Variants in OTOP2 observed in about 807,000 individuals in gnomAD.
The protein encoded by OTOP2 is otopetrin 2, also known as proton channel OTOP2.
OTOP2 carries 41 observed loss-of-function variants against 47.4 expected under a neutral mutation model. That is an observed-to-expected ratio of 0.87 (90% CI 0.67 to 1.12). The LOEUF is 1.12. Ranked by LOEUF, OTOP2 falls within the 50% of genes most tolerant of loss-of-function variation. The probability of loss-of-function intolerance (pLI) is 0.00; values close to 1 mark genes in which losing one functional copy is unlikely to be tolerated. For synonymous variants in OTOP2, 328 were observed against 319.6 expected (o/e 1.03, Z -0.28); for missense variants, 721 against 752.2 (o/e 0.96, Z 0.49).
At chr17:74,926,154 T>G (rs1488192892) in intron 3 of OTOP2, among the ~76,000 whole-genome samples, 1 of 152,226 alleles carries the variant, frequency 6.6e-6, no homozygotes, top group Non-Finnish European at 1.5e-5. Flanking sequence ...AACAATACTT[T>G]GAAAGATCTT....
At chr17:74,929,293 G>T (rs1210775545) in intron 5 of OTOP2, among the ~76,000 whole-genome samples, 3 of 152,144 alleles carry the variant, frequency 2.0e-5, no homozygotes, top group Non-Finnish European at 2.9e-5. Context: ...GAGCTGTGAG[G>T]AAGCCTGAAC....
chr17:74,929,643 C>G (rs971295222), intron 5 of OTOP2, among the ~76,000 whole-genome samples: 1 of 152,024 alleles, frequency 6.6e-6, no homozygotes, highest in African/African-American at 2.4e-5. Context: ...CCAGGCTGGC[C>G]TCAAACTCCT....
chr17:74,931,248 C>T lies in OTOP2; in HGVS notation c.1518+95C>T, dbSNP rs1422998633. ...AGCCCTTAGCCTTCTCTGTCTTGCC[C>T]CCAGCCCGCCTGAGAATCTTACAGC... On this transcript the variant is annotated intron_variant, in intron 6 of 6. Transcript: ENST00000331427. 1.1e-5 allele frequency: 16 copies of T among 1,453,710 alleles called. No individual in the cohort carries two copies. The East Asian group carries it at 3.7e-4, about 34-fold the overall frequency. The allele number at this position is 1,453,710 out of a possible 1,614,324, so 90.1% of individuals were successfully genotyped here.
rs772784768 is a variant in OTOP2, at chr17:74,930,535, C to T, written c.900C>T (p.Phe300=). The change falls in exon 6 of 7, where the codon TTC becomes TTT. Residue 300 remains phenylalanine (F), a synonymous_variant. Transcript: ENST00000331427. This position sits in a 1 kb window ranked among gnomAD's most constrained non-coding sequence, Gnocchi z 4.0. ...GCCCGGTTCTGGGCCTGCTGCTCTT[C>T]GTGGTGGGGCTGGCTGTCTTCATCA... ...FAGPVLGLLL[F]VVGLAVFIIY... The T allele has an allele frequency of 5.0e-5, 81 of 1,612,932 alleles. No homozygotes were observed. The highest frequency in any genetic ancestry group is 6.7e-5 in the Non-Finnish European group (79 of 1,178,986).
At chr17:74,926,846 C>T (rs1194574812) in intron 3 of OTOP2, among the ~76,000 whole-genome samples, 1 of 151,802 alleles carries the variant, frequency 6.6e-6, no homozygotes, top group African/African-American at 2.4e-5. Context: ...ACCTCTGCCT[C>T]CTGGGTTCAA....
chr17:74,926,997 G>C (rs567751232), intron 3 of OTOP2, among the ~76,000 whole-genome samples: 1 of 152,078 alleles, frequency 6.6e-6, no homozygotes, highest in South Asian at 2.1e-4. Flanking sequence ...CTGGTCTCAA[G>C]CTCTTGACCT....
In OTOP2 at chr17:74,933,687, T is replaced by A; in HGVS notation, c.*142T>A. 1 of 1,046,500 alleles carries A rather than the reference T, an allele frequency of 9.6e-7. No individual in the cohort carries two copies. Among genetic ancestry groups the A allele is most frequent in the Non-Finnish European group, 1.3e-6 (1 of 758,286 alleles). 64.8% of individuals were successfully genotyped at this position (1,046,500 alleles called of 1,614,324 possible). A position where few individuals can be genotyped will look rare whatever the true frequency, so the allele number is the denominator to read the frequency against. On this transcript the variant is annotated 3_prime_UTR_variant, in exon 7 of 7. Coordinates refer to ENST00000331427, the MANE Select transcript of OTOP2 (RefSeq NM_178160.3). The surrounding 1 kb of genome is among the most constrained non-coding windows in gnomAD (Gnocchi z 4.7). ...CCCAGAGTGGAATTTTCACAAAAGT[T>A]ATTTTTCCAGGTTCAATTTTTAAAT...
rs2039073724 is a variant in OTOP2, at chr17:74,933,065, G to A, written c.1519-310G>A. ...CACTGTTTGTACCTCTTCTTCTAGA[G>A]AAACCTCTTCTCCCCTCCCCAATCC... On this transcript the variant is annotated intron_variant, in intron 6 of 6. Transcript: ENST00000331427. This position sits in a 1 kb window ranked among gnomAD's most constrained non-coding sequence, Gnocchi z 4.7. Among the ~76,000 whole-genome samples the A allele has an allele frequency of 6.6e-6, 1 of 151,994 alleles. No individual in the cohort carries two copies. The highest frequency in any genetic ancestry group is 2.1e-4 in the South Asian group (1 of 4,812).
At chr17:74,931,345 G>A (rs2039057308) in intron 6 of OTOP2, among the ~76,000 whole-genome samples, 192 bp downstream of exon 6, 1 of 152,314 alleles carries the variant, frequency 6.6e-6, no homozygotes, top group South Asian at 2.1e-4. Context: ...AGGGCACACA[G>A]AGAAAATGAA....
At position 74,928,075 on chromosome 17, in the gene OTOP2, G is replaced by T. The variant is rs1164191089; in HGVS notation, c.643+277G>T. The T allele has an allele frequency of 9.6e-6, 4 of 417,656 alleles. No homozygotes were observed. In the East Asian group the frequency reaches 1.8e-4, roughly 18 times the overall value. The allele number at this position is 417,656 out of a possible 1,614,324, so 25.9% of individuals were successfully genotyped here. A position where few individuals can be genotyped will look rare whatever the true frequency, so the allele number is the denominator to read the frequency against. On this transcript the variant is annotated intron_variant, in intron 5 of 6. Transcript: ENST00000331427. ...AAGGGACCCAGGACCAGGTGCAGTG[G>T]CTCATGCTTGTAATCCTAGCACTTT...
rs773191626 is a variant in OTOP2, at chr17:74,933,402, C to T, written c.1546C>T (p.Arg516Cys). The T allele has an allele frequency of 8.1e-5, 130 of 1,612,694 alleles. No individual in the cohort carries two copies. Among genetic ancestry groups the T allele is most frequent in the Non-Finnish European group, 1.0e-4 (120 of 1,178,914 alleles). ...ILWIMPAFGA[R>C]PHFSNTVEVD... is the part of the protein sequence containing the mutation. ...GTGGATCATGCCTGCCTTCGGGGCC[C>T]GCCCTCATTTCAGCAACACAGTGGA... The change falls in exon 7 of 7, where the codon CGC becomes TGC. Residue 516 changes from arginine to cysteine, a missense_variant. Physicochemically the swap from Arg to Cys is radical, Grantham distance 180 (BLOSUM62 -3). Transcript: ENST00000331427. The surrounding 1 kb of genome is among the most constrained non-coding windows in gnomAD (Gnocchi z 4.7).
chr17:74,927,197 ACT>A (rs2039015314), intron 3 of OTOP2, 24 bp from the exon 4 acceptor site: 1 of 1,591,104 alleles, frequency 6.3e-7, no homozygotes, highest in Admixed American at 1.7e-5. Context: ...GGAGTAAATG[ACT>A]CTCACCAATG....
rs7224055 is a variant in OTOP2, at chr17:74,924,574, G to A, written c.-33-26G>A. On this transcript the variant is annotated intron_variant, in intron 1 of 6. Coordinates refer to ENST00000331427, the MANE Select transcript of OTOP2 (RefSeq NM_178160.3). The surrounding 1 kb of genome is among the most constrained non-coding windows in gnomAD (Gnocchi z 7.7). ...AAGGAGAGCCGTCAGGGTTGACCTG[G>A]AGTTTTGTCCGCTCCTCCCCTACAG... 412 of 1,447,692 alleles carry A rather than the reference G, an allele frequency of 2.8e-4. No homozygotes were observed. The African/African-American group carries it at 5.4e-3, about 19-fold the overall frequency. 89.7% of individuals were successfully genotyped at this position (1,447,692 alleles called of 1,614,324 possible).
chr17:74,931,850 G>A (rs1043351624), intron 6 of OTOP2, among the ~76,000 whole-genome samples: 2 of 151,832 alleles, frequency 1.3e-5, no homozygotes, highest in Admixed American at 6.6e-5. Context: ...CAGCTACTTG[G>A]GAGGTTGAGG....
intron 2 of OTOP2, 44 bp from the exon 3 acceptor site, chr17:74,925,512 C>T: frequency 6.2e-7 from 1 of 1,603,842 alleles, no homozygotes; most frequent in Non-Finnish European, 8.5e-7. Flanking sequence ...TTCTCTCCTG[C>T]CTCTTTGATC....
At chr17:74,925,984 C>T (rs1401549593) in intron 3 of OTOP2, among the ~76,000 whole-genome samples, 1 of 152,346 alleles carries the variant, frequency 6.6e-6, no homozygotes, top group Admixed American at 6.5e-5. Flanking sequence ...CCAGCCCTGT[C>T]TCCTAGAACC....
rs768526214 is a variant in OTOP2 at position 74,927,312 on chromosome 17, G to A, written c.509+31G>A. On this transcript the variant is annotated intron_variant, in intron 4 of 6. Coordinates refer to ENST00000331427, the MANE Select transcript of OTOP2 (RefSeq NM_178160.3). ...AACTGCAGCTCGATGCCTGTACCCA[G>A]CGTGCTGGTGTTCACCTTGCAGGAG... 5 of 1,592,684 alleles carry A rather than the reference G, an allele frequency of 3.1e-6. No homozygotes were observed. The East Asian group carries it at 1.1e-4, about 36-fold the overall frequency.
At chr17:74,932,203 T>G (rs1204477975) in intron 6 of OTOP2, among the ~76,000 whole-genome samples, 1 of 152,088 alleles carries the variant, frequency 6.6e-6, no homozygotes. Context: ...TTTCACTCAA[T>G]AGAAAAACAA....
intron 2 of OTOP2, among the ~76,000 whole-genome samples, chr17:74,925,355 C>T (rs1177757764): frequency 6.6e-6 from 1 of 152,122 alleles, no homozygotes; most frequent in African/African-American, 2.4e-5. Flanking sequence ...ACCCTTCCAT[C>T]CACCCATTCA....
Sources: allele counts gnomAD v4.1 joint callset (sites outside exome capture counted in the v4.1 genomes callset), GRCh38; gene constraint gnomAD v4.1.1; non-coding constraint Gnocchi (gnomAD v3.1); transcripts MANE v1.5; gene names NCBI Gene and HGNC (gene_info 2026-07-23, HGNC 2026-07-21).